Variants in BPHL observed in about 807,000 individuals in gnomAD.
BPHL encodes the protein serine hydrolase BPHL.
In BPHL, 27 loss-of-function variants were observed where a neutral mutation model predicts 31.2. The ratio of observed to expected loss-of-function variants is 0.87; its 90% CI spans 0.64 to 1.19. The LOEUF (loss-of-function observed/expected upper bound fraction) is 1.19. Among genes scored for constraint, BPHL ranks in the 50% most tolerant of loss-of-function variants. The pLI is 0.00. For synonymous variants in BPHL, 150 were observed against 146.8 expected (o/e 1.02, Z -0.16); for missense variants, 356 against 375.7 (o/e 0.95, Z 0.43).
At chr6:3,134,978 C>T (rs1290188400) in intron 4 of BPHL, among the ~76,000 whole-genome samples, 1 of 151,936 alleles carries the variant, frequency 6.6e-6, no homozygotes, top group Non-Finnish European at 1.5e-5. Context: ...CTTAAGTAAT[C>T]CACCCACCTC....
At chr6:3,135,594 C>A (rs115328091) in intron 4 of BPHL, among the ~76,000 whole-genome samples, 2,005 of 152,154 alleles carry the variant, frequency 0.013, 15 homozygotes, top group Middle Eastern at 0.024. Context: ...GCATCTCGTT[C>A]ATTCTTATTC....
intron 3 of BPHL, 34 bp downstream of exon 3, chr6:3,127,442 G>A: frequency 6.7e-7 from 1 of 1,488,510 alleles, no homozygotes; most frequent in South Asian, 1.3e-5. Context: ...GGGGAGGAAG[G>A]GTGGCTGGGC....
At position 3,153,544 on chromosome 6, in the gene BPHL, C is replaced by T. The variant is rs1762580396; in HGVS notation, c.*969C>T. On this transcript the variant is annotated 3_prime_UTR_variant, in exon 7 of 7. Coordinates refer to ENST00000380379, the MANE Select transcript of BPHL (RefSeq NM_004332.4). ...ACACTAAAGCAGAAATCCTACATTGCTATTAAAATTAAACTTTGATTACCA... is the reference window on the plus strand; with the variant it reads ...ACACTAAAGCAGAAATCCTACATTGTTATTAAAATTAAACTTTGATTACCA... 4.3e-6 allele frequency: 2 copies of T among 462,914 alleles called. No individual in the cohort carries two copies. The highest frequency in any genetic ancestry group is 8.1e-5 in the East Asian group (2 of 24,842). The allele number at this position is 462,914 out of a possible 1,614,324, so 28.7% of individuals were successfully genotyped here.
chr6:3,121,291 CTTTTTTTTTTTT>C (rs67332286), intron 1 of BPHL, among the ~76,000 whole-genome samples: 4 of 80,380 alleles, frequency 5.0e-5, no homozygotes, highest in East Asian at 4.5e-4. Flanking sequence ...ATAGCAGTTT[CTTTTTTTTTTTT>C]TTTTTTTTTT....
At chr6:3,145,366 G>T (rs74746401) in intron 6 of BPHL, among the ~76,000 whole-genome samples, 2 of 65,124 alleles carry the variant, frequency 3.1e-5, no homozygotes, top group East Asian at 4.0e-4. Flanking sequence ...GGTGTGGGTT[G>T]GAGTGCTGGT....
chr6:3,136,279 T>A (rs758926740), intron 4 of BPHL, among the ~76,000 whole-genome samples: 11 of 152,202 alleles, frequency 7.2e-5, no homozygotes, highest in Non-Finnish European at 1.6e-4. Context: ...CGCCCCCAAA[T>A]GTTTTCTTCT....
chr6:3,145,168 TGGAGTGCTGGTTCGGGG>T (rs1762296598), intron 6 of BPHL, among the ~76,000 whole-genome samples: 1 of 95,736 alleles, frequency 1.0e-5, no homozygotes, highest in African/African-American at 3.9e-5. Flanking sequence ...TGGTTCAGGG[TGGAGTGCTGGTTCGGGG>T]TGGAGTGCTG....
At chr6:3,137,998 A>T in intron 5 of BPHL, 1 of 1,280,834 alleles carries the variant, frequency 7.8e-7, no homozygotes, top group South Asian at 1.2e-5. Context: ...TATGACTGTA[A>T]CCATGAACAA....
chr6:3,128,777 T>C (rs1392474315), intron 3 of BPHL, among the ~76,000 whole-genome samples: 1 of 152,280 alleles, frequency 6.6e-6, no homozygotes, highest in Non-Finnish European at 1.5e-5. Context: ...CCATTGATTC[T>C]AGTTCCTTGA....
chr6:3,137,575 G>T, intron 5 of BPHL, 82 bp downstream of exon 5: 1 of 1,567,466 alleles, frequency 6.4e-7, no homozygotes. Context: ...ATTGCTCAGT[G>T]ATTCATGAAT....
At position 3,149,718 on chromosome 6, in the gene BPHL, C is replaced by A. The variant is rs577999958; in HGVS notation, c.789-2770C>A. ...CGGGATCTCGGCTCACTGCAACCTC[C>A]GCCTACTGGGTTCAAGTGATTCTGC... On this transcript the variant is annotated intron_variant, in intron 6 of 6. Transcript: ENST00000380379. The surrounding 1 kb of genome is among the most constrained non-coding windows in gnomAD (Gnocchi z 4.6). Among the ~76,000 whole-genome samples the A allele has an allele frequency of 6.6e-6, 1 of 152,158 alleles. No homozygotes were observed. The highest frequency in any genetic ancestry group is 2.4e-5 in the African/African-American group (1 of 41,428).
At chr6:3,125,673 C>G (rs980558572) in intron 2 of BPHL, among the ~76,000 whole-genome samples, 2 of 152,160 alleles carry the variant, frequency 1.3e-5, no homozygotes, top group African/African-American at 4.8e-5. Context: ...CAGAACCCCT[C>G]CAGGTCAGAG....
rs370746530 is a variant in BPHL, at chr6:3,129,016, G to A, written c.379-29G>A. On this transcript the variant is annotated intron_variant, in intron 3 of 6. Transcript: ENST00000380379. ...TTTTAACAGAGAGGAGCAATAACCC[G>A]TGCCGTGCATTTTGTCGTATGATCA... 40 of 1,614,164 alleles carry A rather than the reference G, an allele frequency of 2.5e-5. No homozygotes were observed. In the African/African-American group the frequency reaches 3.3e-4, roughly 13 times the overall value.
chr6:3,131,917 T>C (rs7774947), intron 4 of BPHL, among the ~76,000 whole-genome samples: 26,071 of 152,148 alleles, frequency 0.17, 7,182 homozygotes, highest in African/African-American at 0.58. Flanking sequence ...CTCTCCCTCC[T>C]GGACCCCGCC....
At chr6:3,152,166 C>T (rs187286294) in intron 6 of BPHL, among the ~76,000 whole-genome samples, 3 of 152,278 alleles carry the variant, frequency 2.0e-5, no homozygotes, top group Admixed American at 1.3e-4. Flanking sequence ...CTAGAGTAAC[C>T]ACCAGATCAC....
At chr6:3,134,802 C>T (rs1761967376) in intron 4 of BPHL, among the ~76,000 whole-genome samples, 1 of 151,930 alleles carries the variant, frequency 6.6e-6, no homozygotes, top group Non-Finnish European at 1.5e-5. Context: ...CGGGGTTTCA[C>T]CGTGTTATCC....
chr6:3,119,486 G>A (rs1238944361), intron 1 of BPHL: 2 of 1,613,812 alleles, frequency 1.2e-6, no homozygotes, highest in East Asian at 2.2e-5. Flanking sequence ...ATTCTCTTTT[G>A]TCCTCCCACC....
chr6:3,138,088 A>C, intron 5 of BPHL: 727 of 884,584 alleles, frequency 8.2e-4, no homozygotes, highest in Non-Finnish European at 1.1e-3. Flanking sequence ...GCATGATCTC[A>C]GCTCACTGCA....
Position 3,118,864 on chromosome 6 carries a change from C to T in BPHL, c.107+17C>T. Reference sequence around the variant, plus strand: ...CGCGTTCGGGTAATGGCGGCCACCTCGCCCCGGGGATCCCCAGCATCGGCG... The same window carrying T: ...CGCGTTCGGGTAATGGCGGCCACCTTGCCCCGGGGATCCCCAGCATCGGCG... On this transcript the variant is annotated intron_variant, in intron 1 of 6. Coordinates refer to ENST00000380379, the MANE Select transcript of BPHL (RefSeq NM_004332.4). 1.6e-6 allele frequency: 2 copies of T among 1,234,556 alleles called. No individual in the cohort carries two copies. The highest frequency in any genetic ancestry group is 3.1e-5 in the African/African-American group (2 of 64,444). The allele number at this position is 1,234,556 out of a possible 1,614,324, so 76.5% of individuals were successfully genotyped here.
Sources: gnomAD v4.1 joint callset for allele counts (sites outside exome capture counted in the v4.1 genomes callset) on GRCh38, gnomAD v4.1.1 for gene constraint, Gnocchi (gnomAD v3.1) non-coding constraint, MANE v1.5 for transcripts, NCBI Gene and HGNC (gene_info 2026-07-23, HGNC 2026-07-21) for gene names.